PTGER3: variants seen among roughly 807,000 people sequenced by gnomAD.
PTGER3 encodes the protein prostaglandin E receptor 3.
Under a neutral mutation model 34.7 loss-of-function variants are expected in PTGER3, and 22 were observed. That is an observed-to-expected ratio of 0.63 (90% CI 0.45 to 0.91). PTGER3 has a LOEUF of 0.91. Among genes scored for constraint, PTGER3 ranks in the 40% least tolerant of loss-of-function variants. The pLI, the probability that PTGER3 is intolerant of heterozygous loss-of-function variation, is 0.00. For synonymous variants in PTGER3, 241 were observed against 230.1 expected, an observed-to-expected ratio of 1.05 and a Z score of -0.43; for missense variants, 468 against 519.4, an observed-to-expected ratio of 0.90 and a Z score of 0.96.
chr1:71,011,810 A>G, intron 2 of PTGER3: 1 of 994,276 alleles, frequency 1.0e-6, no homozygotes, highest in East Asian at 1.1e-4. Context: ...GAAAGAGAAC[A>G]CAGCAATGTC....
chr1:71,033,636 T>C (rs1271861405), intron 1 of PTGER3, among the ~76,000 whole-genome samples: 1 of 152,186 alleles, frequency 6.6e-6, no homozygotes, highest in Non-Finnish European at 1.5e-5. Context: ...CATGCATGGA[T>C]AAATGAATTC....
chr1:70,863,371 G>A (rs1345979449), intron 4 of PTGER3, among the ~76,000 whole-genome samples: 2 of 152,118 alleles, frequency 1.3e-5, no homozygotes, highest in Non-Finnish European at 2.9e-5. Flanking sequence ...CTTCCCCATT[G>A]ATCATGTGTT....
chr1:71,046,589 A>C, intron 1 of PTGER3, 92 bp downstream of exon 1: 1 of 1,434,538 alleles, frequency 7.0e-7, no homozygotes, highest in Non-Finnish European at 9.2e-7. Context: ...GGTTGCAAAC[A>C]CACCCCTGCG....
At chr1:70,992,714 T>C (rs1655587252) in intron 2 of PTGER3, among the ~76,000 whole-genome samples, 1 of 152,192 alleles carries the variant, frequency 6.6e-6, no homozygotes, top group Non-Finnish European at 1.5e-5. Context: ...AGGACATCGA[T>C]TTCATCATTT....
At chr1:70,924,703 CT>C (rs1647879363) in intron 4 of PTGER3, among the ~76,000 whole-genome samples, 1 of 152,150 alleles carries the variant, frequency 6.6e-6, no homozygotes, top group Non-Finnish European at 1.5e-5. Context: ...TCAGGAGAAA[CT>C]TACTAAACAT....
At chr1:71,042,176 C>T (rs139279407) in intron 1 of PTGER3, among the ~76,000 whole-genome samples, 174 of 151,376 alleles carry the variant, frequency 1.1e-3, no homozygotes, top group African/African-American at 4.0e-3. Flanking sequence ...GAGTGAAGTC[C>T]TCATCTTGTC....
chr1:70,881,881 A>C (rs956281259), intron 4 of PTGER3, among the ~76,000 whole-genome samples: 1 of 152,230 alleles, frequency 6.6e-6, no homozygotes, highest in Non-Finnish European at 1.5e-5. Flanking sequence ...GTTTAGGCAA[A>C]AGCAGAACCA....
At chr1:70,968,537 G>C (rs1356855729), downstream of PTGER3, among the ~76,000 whole-genome samples, 3 of 151,992 alleles carry the variant, frequency 2.0e-5, no homozygotes, top group Non-Finnish European at 4.4e-5. Flanking sequence ...TTAAAAACCA[G>C]TGTTTTGCTG....
intron 4 of PTGER3, among the ~76,000 whole-genome samples, chr1:70,882,959 T>A (rs1646423850): frequency 6.6e-6 from 1 of 152,204 alleles, no homozygotes. Context: ...GTGAGCTGCT[T>A]CTAGTCTATC....
At chr1:71,026,302 T>C (rs192082405) in intron 1 of PTGER3, among the ~76,000 whole-genome samples, 1 of 152,348 alleles carries the variant, frequency 6.6e-6, no homozygotes, top group East Asian at 1.9e-4. Context: ...TGTTTTGTTA[T>C]TATTTGAATG....
At chr1:71,030,382 G>A (rs1659305345) in intron 1 of PTGER3, among the ~76,000 whole-genome samples, 1 of 152,128 alleles carries the variant, frequency 6.6e-6, no homozygotes, top group Non-Finnish European at 1.5e-5. Flanking sequence ...CATACTGGAG[G>A]CTTTAGAACT....
At chr1:71,036,507 A>G (rs372103752) in intron 1 of PTGER3, among the ~76,000 whole-genome samples, 2 of 152,042 alleles carry the variant, frequency 1.3e-5, no homozygotes, top group Non-Finnish European at 2.9e-5. Flanking sequence ...ACAGAGCAAG[A>G]CCCTATCTCA....
At position 70,972,899 on chromosome 1, in the gene PTGER3, T is replaced by C. The variant is rs113975250; in HGVS notation, c.1170-1166A>G. 4.6e-3 allele frequency among the ~76,000 whole-genome samples: 698 copies of C among 152,250 alleles called. 12 individuals are homozygous for C. The highest frequency in any genetic ancestry group is 0.016 in the African/African-American group (657 of 41,540). On this transcript the variant is annotated intron_variant, in intron 3 of 3. Coordinates refer to ENST00000306666, the MANE Select transcript of PTGER3 (RefSeq NM_198719.2). ...CTGGTGAGACTAAAGTTTAGTAAGC[T>C]ATTTTTCTTTCTAATTTTCATCATT...
intron 2 of PTGER3, among the ~76,000 whole-genome samples, chr1:70,978,709 A>G (rs1209766273): frequency 6.6e-6 from 1 of 152,158 alleles, no homozygotes; most frequent in Admixed American, 6.5e-5. Flanking sequence ...ACCATCATCT[A>G]CTTTGTTAGA....
intron 4 of PTGER3, among the ~76,000 whole-genome samples, chr1:70,944,217 G>A (rs544983342): frequency 5.3e-5 from 8 of 152,128 alleles, no homozygotes; most frequent in Admixed American, 6.6e-5. Context: ...CTAGTACAAG[G>A]TAATTAGCTC....
chr1:70,916,066 T>C (rs1045817934), intron 4 of PTGER3, among the ~76,000 whole-genome samples: 1 of 151,602 alleles, frequency 6.6e-6, no homozygotes, highest in Non-Finnish European at 1.5e-5. Context: ...TTTAAAAAAA[T>C]GAGTAAAGAC....
chr1:70,926,593 G>C lies in PTGER3; in HGVS notation c.*23+27170C>G, dbSNP rs1391545541. Among the ~76,000 whole-genome samples, 11 of 152,104 alleles carry C rather than the reference G, an allele frequency of 7.2e-5. 1 individual carries two copies. The highest frequency in any genetic ancestry group is 7.2e-4 in the Admixed American group (11 of 15,262). On this transcript the variant is annotated intron_variant, in intron 4 of 4. Coordinates refer to the PTGER3 transcript ENST00000370931. The stretch of plus-strand genomic sequence containing the variant: ...AGGAGATTTTGGGCTGAGGCAATGG[G>C]GTTTTCTAGATATACAATGATGTCG...
rs560587681 is a variant in PTGER3, at chr1:71,011,529, T to C, written c.1077+776A>G. On this transcript the variant is annotated intron_variant, in intron 2 of 3. Coordinates refer to ENST00000306666, the MANE Select transcript of PTGER3 (RefSeq NM_198719.2). ...CTTAGGCTCATAGAAATGTAAAATATATTCAAAAGAAAGAATAATTAGCAA... is the reference window on the plus strand; with the variant it reads ...CTTAGGCTCATAGAAATGTAAAATACATTCAAAAGAAAGAATAATTAGCAA... 5 of 985,174 alleles carry C rather than the reference T, an allele frequency of 5.1e-6. No homozygotes were observed. The African/African-American group carries it at 8.7e-5, about 17-fold the overall frequency. The allele number at this position is 985,174 out of a possible 1,614,324, so 61.0% of individuals were successfully genotyped here.
intron 4 of PTGER3, chr1:70,869,310 G>A (rs1483777730): frequency 2.1e-6 from 1 of 471,286 alleles, no homozygotes; most frequent in Non-Finnish European, 4.4e-6. Context: ...CTTCCATCAG[G>A]CCCCATCTCC....
Sources: gnomAD v4.1 joint callset for allele counts (sites outside exome capture counted in the v4.1 genomes callset) on GRCh38, gnomAD v4.1.1 for gene constraint, MANE v1.5 for transcripts, NCBI Gene and HGNC (gene_info 2026-07-23, HGNC 2026-07-21) for gene names.